The following STK4 variants were observed in gnomAD, a reference collection of about 807,000 sequenced individuals.
The protein encoded by STK4 is serine/threonine kinase 4.
In STK4, 30 loss-of-function variants were observed where a neutral mutation model predicts 64.9. The observed-to-expected ratio is 0.46, with a 90% CI of 0.35 to 0.63. The LOEUF is 0.63. STK4 is among the 20% of genes least tolerant of loss of function. The pLI is 0.01. For synonymous variants in STK4, 177 were observed against 199.0 expected (o/e 0.89, Z 0.93); for missense variants, 466 against 598.5 (o/e 0.78, Z 2.31).
chr20:45,062,662 T>G (rs1178817120), intron 10 of STK4, among the ~76,000 whole-genome samples: 1 of 152,114 alleles, frequency 6.6e-6, no homozygotes, highest in Non-Finnish European at 1.5e-5. Context: ...GTGGGGTTTT[T>G]TTTTGTTTTG....
At chr20:44,983,849 G>T (rs994897822) in intron 4 of STK4, among the ~76,000 whole-genome samples, 4 of 152,116 alleles carry the variant, frequency 2.6e-5, no homozygotes, top group African/African-American at 9.7e-5. Flanking sequence ...TTAAAACTGA[G>T]TTATAACTTT....
chr20:45,004,203 C>T (rs2067892673), intron 9 of STK4: 2 of 151,878 alleles, frequency 1.3e-5, no homozygotes, highest in African/African-American at 2.4e-5. Flanking sequence ...TCAAGTGATT[C>T]TCCTGCCTCA....
chr20:45,039,792 G>T (rs1475267827), intron 10 of STK4, among the ~76,000 whole-genome samples: 1 of 152,118 alleles, frequency 6.6e-6, no homozygotes, highest in Non-Finnish European at 1.5e-5. Flanking sequence ...TGACTGTAAA[G>T]AATGCAATAA....
At chr20:44,993,416 G>A (rs989452971) in intron 5 of STK4, among the ~76,000 whole-genome samples, 1 of 152,094 alleles carries the variant, frequency 6.6e-6, no homozygotes, top group Non-Finnish European at 1.5e-5. Flanking sequence ...AGCTATCCAA[G>A]TAACCATTTC....
chr20:45,041,863 A>C (rs2068619567), intron 10 of STK4, among the ~76,000 whole-genome samples: 5 of 152,154 alleles, frequency 3.3e-5, no homozygotes. Context: ...GCAGGCATTA[A>C]AATGTTGCCA....
Position 44,981,914 on chromosome 20 carries a change from T to C in STK4, c.331T>C (p.Ser111Pro). ...GGAGTACTGTGGGGCTGGTTCTGTA[T>C]CTGATATCATTCGATTACGAAATAA... is the stretch of plus-strand genomic sequence containing the variant. ...VMEYCGAGSV[S>P]DIIRLRNKTL... The change falls in exon 4 of 11, where the codon TCT (serine) becomes CCT (proline). Residue 111 changes from serine to proline, a missense_variant. Coordinates refer to ENST00000372806, the MANE Select transcript of STK4 (RefSeq NM_006282.5). 1 of 1,613,892 alleles carries C rather than the reference T, an allele frequency of 6.2e-7. No individual in the cohort carries two copies. The highest frequency in any genetic ancestry group is 8.5e-7 in the Non-Finnish European group (1 of 1,179,814).
chr20:45,046,186 T>C lies in STK4; in HGVS notation c.1305+21056T>C, dbSNP rs369226108. The stretch of plus-strand genomic sequence containing the variant: ...TTCGCCAGGTGCAATCCCAGCCCTT[T>C]GGGAGGCCAAGGCAGGAGGATTGCT... On this transcript the variant is annotated intron_variant, in intron 10 of 10. Transcript: ENST00000372806. Among the ~76,000 whole-genome samples the C allele has an allele frequency of 2.0e-4, 30 of 151,376 alleles. 1 individual carries two copies. Among genetic ancestry groups the C allele is most frequent in the African/African-American group, 7.3e-4 (30 of 41,176 alleles).
chr20:45,061,596 A>AT (rs56017495), intron 10 of STK4, among the ~76,000 whole-genome samples: 29,772 of 141,004 alleles, frequency 0.21, 3,454 homozygotes, highest in African/African-American at 0.33. Flanking sequence ...TAGTATGGAA[A>AT]TTTTTTTTTT....
At chr20:44,985,098 A>G (rs1243417516) in intron 4 of STK4, among the ~76,000 whole-genome samples, 1 of 152,210 alleles carries the variant, frequency 6.6e-6, no homozygotes, top group Non-Finnish European at 1.5e-5. Context: ...CTCTTCCACT[A>G]TAGAAGGTAC....
intron 9 of STK4, chr20:45,004,476 A>T (rs1263509932): frequency 6.6e-6 from 1 of 151,996 alleles, no homozygotes; most frequent in Non-Finnish European, 1.5e-5. Flanking sequence ...AAAAAAAAAT[A>T]ATCTTTTAAG....
chr20:45,033,864 G>A (rs1006683046), intron 10 of STK4, among the ~76,000 whole-genome samples: 4 of 152,246 alleles, frequency 2.6e-5, no homozygotes, highest in East Asian at 1.9e-4. Context: ...ACAGGTGTGA[G>A]CCACCATGCC....
intron 10 of STK4, among the ~76,000 whole-genome samples, chr20:45,036,128 AGTAT>A (rs2068523652): frequency 6.6e-6 from 1 of 152,218 alleles, no homozygotes. Flanking sequence ...AGAAATTGTA[AGTAT>A]GTGAGGTAGC....
At chr20:44,969,359 G>A (rs1387490007) in intron 1 of STK4, among the ~76,000 whole-genome samples, 1 of 152,182 alleles carries the variant, frequency 6.6e-6, no homozygotes, top group Non-Finnish European at 1.5e-5. Flanking sequence ...AAAGCTTTGA[G>A]AATTAGCCAG....
At chr20:45,036,164 T>C (rs868063409) in intron 10 of STK4, among the ~76,000 whole-genome samples, 1 of 152,220 alleles carries the variant, frequency 6.6e-6, no homozygotes, top group African/African-American at 2.4e-5. Context: ...TTAGCTCGAT[T>C]GAGCCATTTC....
At chr20:44,988,533 G>GTATATATATGTGTGTGTGTATATA (rs2067574414) in intron 5 of STK4, among the ~76,000 whole-genome samples, 7 of 101,572 alleles carry the variant, frequency 6.9e-5, no homozygotes, top group Non-Finnish European at 1.1e-4. Flanking sequence ...ATGTGTGTGT[G>GTATATATATGTGTGTGTGTATATA]TATATATATA....
At chr20:44,978,646 G>C (rs1490969219) in intron 3 of STK4, 75 bp downstream of exon 3, 2 of 1,478,024 alleles carry the variant, frequency 1.4e-6, no homozygotes, top group Non-Finnish European at 1.8e-6. Context: ...TTGATACCTA[G>C]AGACACATTT....
intron 8 of STK4, 152 bp downstream of exon 8, chr20:45,000,672 A>G: frequency 1.8e-6 from 2 of 1,123,840 alleles, no homozygotes; most frequent in Non-Finnish European, 2.5e-6. Context: ...AACGCATGCT[A>G]GAGGGTTGTT....
At chr20:44,988,533 G>GTGTGTGTGTGTGTATATATATATATA in intron 5 of STK4, among the ~76,000 whole-genome samples, 1 of 101,586 alleles carries the variant, frequency 9.8e-6, no homozygotes, top group African/African-American at 4.8e-5. Context: ...ATGTGTGTGT[G>GTGTGTGTGTGTGTATATATATATATA]TATATATATA....
intron 10 of STK4, among the ~76,000 whole-genome samples, chr20:45,072,967 C>T (rs564861728): frequency 3.9e-5 from 6 of 152,268 alleles, no homozygotes; most frequent in Admixed American, 3.9e-4. Flanking sequence ...GTCTTAGTAC[C>T]GCCCCAGGGT....
Sources: gnomAD v4.1 joint callset for allele counts (sites outside exome capture counted in the v4.1 genomes callset) on GRCh38, gnomAD v4.1.1 for gene constraint, MANE v1.5 for transcripts, NCBI Gene and HGNC (gene_info 2026-07-23, HGNC 2026-07-21) for gene names.